KLF8: variants seen among roughly 807,000 people sequenced by gnomAD.
KLF8 encodes Krueppel-like factor 8.
Under a neutral mutation model 18.2 loss-of-function variants are expected in KLF8, and 10 were observed. The ratio of observed to expected loss-of-function variants is 0.55; its 90% CI spans 0.34 to 0.93. The LOEUF (loss-of-function observed/expected upper bound fraction) is 0.93, where lower values mean the gene tolerates loss of function less well. KLF8 is among the 40% of genes least tolerant of loss of function. KLF8 has a pLI of 0.02. For synonymous variants in KLF8, 109 were observed against 97.3 expected (o/e 1.12, Z -0.71); for missense variants, 264 against 277.9 (o/e 0.95, Z 0.36).
the KLF8 span, among the ~76,000 whole-genome samples, chrX:56,068,329 G>A: frequency 9.1e-6 from 1 of 109,942 alleles, no homozygotes; most frequent in African/African-American, 3.3e-5. Flanking sequence ...CTTCTGGCCC[G>A]ACAGCCCACT....
At chrX:55,945,941 C>A in the KLF8 span, among the ~76,000 whole-genome samples, 3 of 110,899 alleles carry the variant, frequency 2.7e-5, no homozygotes, top group East Asian at 5.7e-4. Flanking sequence ...ATGTGAAGGA[C>A]CTCTTCAAGG....
At chrX:56,178,952 G>T in the KLF8 span, among the ~76,000 whole-genome samples, 1 of 112,130 alleles carries the variant, frequency 8.9e-6, no homozygotes, top group African/African-American at 3.2e-5. Flanking sequence ...GTTGAAGATT[G>T]CCTTGGCAAT....
the KLF8 span, among the ~76,000 whole-genome samples, chrX:56,213,850 G>A: frequency 9.0e-6 from 1 of 111,295 alleles, no homozygotes; most frequent in Non-Finnish European, 1.9e-5. Flanking sequence ...GGATCAGTGT[G>A]ACAGGCTTCT....
the KLF8 span, among the ~76,000 whole-genome samples, chrX:56,051,116 T>G: frequency 4.2e-4 from 47 of 110,952 alleles, no homozygotes; most frequent in Non-Finnish European, 4.9e-4. Context: ...TTTTCCATTG[T>G]CTTGGTAGAT....
rs1487370572 is a variant in KLF8 at position 56,286,003 on chromosome X, C to T, written c.*1509C>T. ...TCCATTCTCACTATATTGTAGAATT[C>T]TAGCACCAAGAAGGGATCCCGTTAA... On this transcript the variant is annotated 3_prime_UTR_variant, in exon 6 of 6. Coordinates refer to ENST00000468660, the MANE Select transcript of KLF8 (RefSeq NM_007250.5). 9.0e-6 allele frequency: 1 copy of T among 111,106 alleles called. No individual in the cohort carries two copies. Among genetic ancestry groups the T allele is most frequent in the Non-Finnish European group, 1.9e-5 (1 of 53,033 alleles). 9.2% of individuals were successfully genotyped at this position (111,106 alleles called of 1,213,427 possible). A position where few individuals can be genotyped will look rare whatever the true frequency, so the allele number is the denominator to read the frequency against.
chrX:56,186,355 G>A, the KLF8 span, among the ~76,000 whole-genome samples: 2 of 111,847 alleles, frequency 1.8e-5, no homozygotes, highest in Middle Eastern at 9.2e-3. Context: ...ACTCAATACA[G>A]GAGGACCTAG....
intron 5 of KLF8, among the ~76,000 whole-genome samples, chrX:56,279,804 G>T (rs1214354140): frequency 1.3e-4 from 14 of 111,958 alleles, no homozygotes; most frequent in Non-Finnish European, 1.9e-5. Context: ...TAGAGCTAGA[G>T]AATTTGCCAA....
chrX:56,057,366 G>C, the KLF8 span, among the ~76,000 whole-genome samples: 59 of 111,012 alleles, frequency 5.3e-4, no homozygotes, highest in African/African-American at 1.9e-3. Context: ...TATATTTGCT[G>C]TAGCAGTGGA....
the KLF8 span, among the ~76,000 whole-genome samples, chrX:56,162,844 C>G: frequency 4.6e-4 from 51 of 111,501 alleles, no homozygotes; most frequent in African/African-American, 1.6e-3. Context: ...CAGAAATCAC[C>G]CATCTTCTGT....
Position 56,250,907 on chromosome X carries a change from A to G in KLF8, c.81+603A>G, listed in dbSNP as rs1171483014. Among the ~76,000 whole-genome samples the G allele has an allele frequency of 3.6e-5, 4 of 112,171 alleles. No individual in the cohort carries two copies. The Admixed American group carries it at 3.8e-4, about 11-fold the overall frequency. ...AGAATTCTTTCTTGCTCTATGGAGG[A>G]CAGTCTTTGTTTTAAAAACTAAGGT... On this transcript the variant is annotated intron_variant, in intron 2 of 5. Coordinates refer to ENST00000468660, the MANE Select transcript of KLF8 (RefSeq NM_007250.5).
the KLF8 span, among the ~76,000 whole-genome samples, chrX:55,938,555 C>T: frequency 9.0e-6 from 1 of 111,198 alleles, no homozygotes; most frequent in Non-Finnish European, 1.9e-5. Context: ...GGGCTAAATG[C>T]TCCAATTAAA....
At chrX:56,185,939 A>G in the KLF8 span, among the ~76,000 whole-genome samples, 3 of 112,274 alleles carry the variant, frequency 2.7e-5, no homozygotes, top group Non-Finnish European at 5.6e-5. Context: ...TGTAAAGACC[A>G]TTGAGGCTAG....
chrX:56,207,166 C>T, the KLF8 span, among the ~76,000 whole-genome samples: 1 of 112,588 alleles, frequency 8.9e-6, no homozygotes, highest in East Asian at 2.8e-4. Context: ...GCCTCCAGGC[C>T]TGTGATGGGA....
At chrX:56,084,082 A>C in the KLF8 span, among the ~76,000 whole-genome samples, 1 of 111,812 alleles carries the variant, frequency 8.9e-6, no homozygotes, top group Non-Finnish European at 1.9e-5. Flanking sequence ...TCACTATAAA[A>C]AGCCAATTAT....
the KLF8 span, among the ~76,000 whole-genome samples, chrX:56,007,235 C>G: frequency 9.0e-6 from 1 of 111,340 alleles, no homozygotes; most frequent in Admixed American, 9.5e-5. Context: ...GAGAGGATGT[C>G]TGCAGGGCTT....
At chrX:56,242,950 A>C (rs920258042) in intron 1 of KLF8, 7 of 460,417 alleles carry the variant, frequency 1.5e-5, no homozygotes, top group Non-Finnish European at 2.8e-5. Context: ...GATGATCCCA[A>C]TTTTGTTGGC....
At chrX:56,007,364 C>T in the KLF8 span, among the ~76,000 whole-genome samples, 1 of 110,907 alleles carries the variant, frequency 9.0e-6, no homozygotes, top group African/African-American at 3.3e-5. Flanking sequence ...GTATGTGGAA[C>T]CCAGCACACA....
At chrX:55,989,603 G>T in the KLF8 span, among the ~76,000 whole-genome samples, 4 of 112,127 alleles carry the variant, frequency 3.6e-5, no homozygotes, top group African/African-American at 9.8e-5. Context: ...CATTCGGTTT[G>T]TCAGTATTTT....
the KLF8 span, among the ~76,000 whole-genome samples, chrX:56,029,376 C>G: frequency 1.3e-4 from 15 of 111,567 alleles, no homozygotes; most frequent in South Asian, 5.4e-3. Flanking sequence ...CAGGCATATA[C>G]AGAAATTGAT....
Sources: allele counts gnomAD v4.1 joint callset (sites outside exome capture counted in the v4.1 genomes callset), GRCh38; gene constraint gnomAD v4.1.1; transcripts MANE v1.5; gene names NCBI Gene and HGNC (gene_info 2026-07-23, HGNC 2026-07-21).